MLPH: variants seen among roughly 807,000 people sequenced by gnomAD.
MLPH encodes melanophilin, also known as exophilin-3.
MLPH carries 51 observed loss-of-function variants against 72.1 expected under a neutral mutation model. The observed-to-expected ratio is 0.71, with a 90% CI of 0.56 to 0.89. The LOEUF is 0.89. Ranked by LOEUF, MLPH falls within the 40% of genes least tolerant of loss-of-function variation. The probability of loss-of-function intolerance (pLI) is 0.00; values close to 1 mark genes in which losing one functional copy is unlikely to be tolerated. For missense variants in MLPH, 743 were observed against 759.9 expected (o/e 0.98, Z 0.26); for synonymous variants, 301 against 310.1 (o/e 0.97, Z 0.31).
intron 2 of MLPH, among the ~76,000 whole-genome samples, chr2:237,503,388 T>C (rs1294177945): frequency 6.6e-6 from 1 of 152,166 alleles, no homozygotes; most frequent in Non-Finnish European, 1.5e-5. Flanking sequence ...TTTATCGTCA[T>C]CTTGGTCTTC....
chr2:237,511,295 G>A lies in MLPH; in HGVS notation c.445+194G>A, dbSNP rs78320805. The A allele has an allele frequency of 1.9e-3, 971 of 523,916 alleles. 13 individuals are homozygous for A. Among genetic ancestry groups the A allele is most frequent in the African/African-American group, 0.018 (892 of 49,620 alleles). 32.5% of individuals were successfully genotyped at this position (523,916 alleles called of 1,614,324 possible). On this transcript the variant is annotated intron_variant, in intron 4 of 15. Transcript: ENST00000264605. Reference sequence around the variant, plus strand: ...TTTTTTTTTTTTTTTAATTTTTGTAGAGACAGGCATCTCACCATGTTTCCC... The same window carrying A: ...TTTTTTTTTTTTTTTAATTTTTGTAAAGACAGGCATCTCACCATGTTTCCC...
chr2:237,542,363 C>A (rs555673411), intron 11 of MLPH, among the ~76,000 whole-genome samples: 1 of 151,980 alleles, frequency 6.6e-6, no homozygotes, highest in Non-Finnish European at 1.5e-5. Flanking sequence ...TAAGGAACAC[C>A]CCCCCCTTCT....
In MLPH at chr2:237,511,082, C is replaced by T. The variant is rs367775760; in HGVS notation, c.426C>T (p.His142=). 7.4e-6 allele frequency: 12 copies of T among 1,613,826 alleles called. No homozygotes were observed. Among genetic ancestry groups the T allele is most frequent in the South Asian group, 4.4e-5 (4 of 91,080 alleles). ...FGSAKVIRSL[H]GRLQGGAGPE... ...GTGCCAAGGTCATCCGGTCCCTCCA[C>T]GGGCGGCTGCAGGGTGGAGGTAAGG... Residue 142 remains histidine, a synonymous_variant, in exon 4 of 16, where the codon CAC becomes CAT. Coordinates refer to ENST00000264605, the MANE Select transcript of MLPH (RefSeq NM_024101.7).
intron 12 of MLPH, 48 bp downstream of exon 12, chr2:237,542,707 A>ACG (rs2080724418): frequency 1.6e-6 from 2 of 1,219,016 alleles, no homozygotes; most frequent in South Asian, 2.6e-5. Context: ...GTGGGGGGGC[A>ACG]GTGGTGAGTG....
intron 9 of MLPH, among the ~76,000 whole-genome samples, chr2:237,537,938 T>C (rs1268054205): frequency 6.6e-6 from 1 of 152,166 alleles, no homozygotes; most frequent in African/African-American, 2.4e-5. Flanking sequence ...AAAGTCGACT[T>C]CATGGGGCCA....
At chr2:237,511,246 G>A in intron 4 of MLPH, 145 bp downstream of exon 4, 1 of 638,916 alleles carries the variant, frequency 1.6e-6, no homozygotes, top group Non-Finnish European at 2.8e-6. Flanking sequence ...ATGCCTCTCT[G>A]TGAATTCCTG....
rs146331286 is a variant in MLPH at position 237,510,304 on chromosome 2, A to G, written c.111-270A>G. The G allele has an allele frequency of 5.2e-5, 27 of 519,750 alleles. No individual in the cohort carries two copies. Among genetic ancestry groups the G allele is most frequent in the African/African-American group, 4.2e-4 (22 of 52,358 alleles). The allele number at this position is 519,750 out of a possible 1,614,324, so 32.2% of individuals were successfully genotyped here. A position where few individuals can be genotyped will look rare whatever the true frequency, so the allele number is the denominator to read the frequency against. ...TTGGTACAATTGTAAACAGCCACAGAAATGCTTAAATGCAATATCATTTCT... is the reference window on the plus strand; with the variant it reads ...TTGGTACAATTGTAAACAGCCACAGGAATGCTTAAATGCAATATCATTTCT... On this transcript the variant is annotated intron_variant, in intron 2 of 15. Transcript: ENST00000264605. This position sits in a 1 kb window ranked among gnomAD's most constrained non-coding sequence, Gnocchi z 4.4.
At position 237,541,318 on chromosome 2, in the gene MLPH, G is replaced by A. The variant is rs1266064469; in HGVS notation, c.1446+361G>A. 2.0e-5 allele frequency among the ~76,000 whole-genome samples: 3 copies of A among 152,230 alleles called. No homozygotes were observed. The highest frequency in any genetic ancestry group is 2.0e-4 in the Admixed American group (3 of 15,282). ...ACCTCAGCACTGGACTCTGTCCGGAGGGCCATCTGTGAGTCTGAGTTGTGG... is the reference window on the plus strand; with the variant it reads ...ACCTCAGCACTGGACTCTGTCCGGAAGGCCATCTGTGAGTCTGAGTTGTGG... On this transcript the variant is annotated intron_variant, in intron 11 of 15. Transcript: ENST00000264605. This position sits in a 1 kb window ranked among gnomAD's most constrained non-coding sequence, Gnocchi z 5.1.
Position 237,510,615 on chromosome 2 carries a change from A to C in MLPH, c.152A>C (p.Glu51Ala). 1 of 1,613,644 alleles carries C rather than the reference A, an allele frequency of 6.2e-7. No individual in the cohort carries two copies. The change falls in exon 3 of 16, where the codon GAG becomes GCG. Residue 51 changes from glutamate (E) to alanine (A), a missense_variant. Glu to Ala is a moderately radical substitution (Grantham distance 107). Transcript: ENST00000264605. This position sits in a 1 kb window ranked among gnomAD's most constrained non-coding sequence, Gnocchi z 4.4. ...GKIKKESSKR[E>A]LLSDTAHLNE... is the part of the protein sequence containing the mutation. Reference sequence around the variant, plus strand: ...ATTAAGAAGGAAAGCTCCAAGAGGGAGCTGCTTTCCGACACTGCCCATCTG... The same window carrying C: ...ATTAAGAAGGAAAGCTCCAAGAGGGCGCTGCTTTCCGACACTGCCCATCTG...
intron 2 of MLPH, among the ~76,000 whole-genome samples, chr2:237,495,363 G>C (rs2106459824): frequency 6.6e-6 from 1 of 152,302 alleles, no homozygotes; most frequent in South Asian, 2.1e-4. Context: ...TGAATGCCTT[G>C]GGGCAGGGGG....
At chr2:237,545,615 G>A (rs1237916444) in intron 12 of MLPH, 12 of 1,286,188 alleles carry the variant, frequency 9.3e-6, no homozygotes, top group African/African-American at 3.0e-5. Context: ...AACGGAGGGC[G>A]CGGGAGGCTC....
chr2:237,493,254 T>C, intron 1 of MLPH, 149 bp from the exon 2 acceptor site: 1 of 619,300 alleles, frequency 1.6e-6, no homozygotes, highest in Non-Finnish European at 3.0e-6. Context: ...CTACACAAGT[T>C]TCCAGACAAG....
At position 237,543,496 on chromosome 2, in the gene MLPH, G is replaced by A. The variant is rs1253370054; in HGVS notation, c.1539+837G>A. Among the ~76,000 whole-genome samples, 3 of 8,542 alleles carry A rather than the reference G, an allele frequency of 3.5e-4. No individual in the cohort carries two copies. In the East Asian group the frequency reaches 0.02, roughly 56 times the overall value. The allele number at this position is 8,542 out of a possible 152,430, so 5.6% of individuals were successfully genotyped here. On this transcript the variant is annotated intron_variant, in intron 12 of 15. Coordinates refer to ENST00000264605, the MANE Select transcript of MLPH (RefSeq NM_024101.7). ...GTGGGGGCACGGTAGTGACTGGGGCGACAGTGGTGAGTGGGGGGACAGTGG... is the reference window on the plus strand; with the variant it reads ...GTGGGGGCACGGTAGTGACTGGGGCAACAGTGGTGAGTGGGGGGACAGTGG...
chr2:237,537,355 G>T (rs527571448), intron 9 of MLPH: 1 of 152,432 alleles, frequency 6.6e-6, no homozygotes, highest in Admixed American at 6.5e-5. Context: ...GCATCTACCG[G>T]CTTCCACCCC....
At chr2:237,526,724 G>A (rs555536478) in intron 7 of MLPH, among the ~76,000 whole-genome samples, 2 of 152,260 alleles carry the variant, frequency 1.3e-5, no homozygotes, top group East Asian at 3.9e-4. Flanking sequence ...TGTTTCACTG[G>A]TTCTCACACA....
At chr2:237,499,342 T>C (rs2079600498) in intron 2 of MLPH, among the ~76,000 whole-genome samples, 1 of 152,102 alleles carries the variant, frequency 6.6e-6, no homozygotes, top group South Asian at 2.1e-4. Context: ...AATAAAATTA[T>C]AATTAAATAA....
At chr2:237,526,407 T>A (rs1011305541) in intron 7 of MLPH, among the ~76,000 whole-genome samples, 1 of 152,072 alleles carries the variant, frequency 6.6e-6, no homozygotes, top group African/African-American at 2.4e-5. Context: ...AGTGGCTGCG[T>A]GCGGGAAAGC....
chr2:237,513,496 C>G (rs2079951465), intron 4 of MLPH, among the ~76,000 whole-genome samples: 1 of 152,176 alleles, frequency 6.6e-6, no homozygotes, highest in South Asian at 2.1e-4. Context: ...TTTCTCCTAT[C>G]AAGAGTGGTC....
At position 237,492,866 on chromosome 2, in the gene MLPH, G is replaced by A. The variant is rs560048128; in HGVS notation, c.-24-537G>A. Among the ~76,000 whole-genome samples, 7 of 152,154 alleles carry A rather than the reference G, an allele frequency of 4.6e-5. No homozygotes were observed. The East Asian group carries it at 1.3e-3, about 29-fold the overall frequency. ...GAGTCTCCCAACTTTTCCACCTAGT[G>A]GGTCAGTCATCCAGGCGTCCCTGCC... On this transcript the variant is annotated intron_variant, in intron 1 of 15. Coordinates refer to ENST00000264605, the MANE Select transcript of MLPH (RefSeq NM_024101.7).
Sources: allele counts gnomAD v4.1 joint callset (sites outside exome capture counted in the v4.1 genomes callset), GRCh38; gene constraint gnomAD v4.1.1; non-coding constraint Gnocchi (gnomAD v3.1); transcripts MANE v1.5; gene names NCBI Gene and HGNC (gene_info 2026-07-23, HGNC 2026-07-21).